Variants in RAP1A observed in about 807,000 individuals in gnomAD.
RAP1A encodes ras-related protein Rap-1A.
RAP1A carries 6 observed loss-of-function variants against 26.4 expected under a neutral mutation model. The ratio of observed to expected loss-of-function variants is 0.23; its 90% CI spans 0.12 to 0.45. The LOEUF is 0.45. RAP1A is among the 20% of genes least tolerant of loss of function. RAP1A has a pLI of 0.99. For synonymous variants in RAP1A, 73 were observed against 79.4 expected, an observed-to-expected ratio of 0.92 and a Z score of 0.43; for missense variants, 121 against 217.2, an observed-to-expected ratio of 0.56 and a Z score of 2.78.
chr1:111,576,876 G>A (rs567957681), intron 1 of RAP1A, among the ~76,000 whole-genome samples: 2 of 152,072 alleles, frequency 1.3e-5, no homozygotes, highest in Non-Finnish European at 2.9e-5. Flanking sequence ...CTCAACCTTG[G>A]GTTACCTAAG....
chr1:111,590,343 T>G (rs1203161469), intron 1 of RAP1A, among the ~76,000 whole-genome samples: 4 of 152,222 alleles, frequency 2.6e-5, no homozygotes, highest in Non-Finnish European at 5.9e-5. Context: ...CTTGTCTTAT[T>G]CTTGACTTAA....
chr1:111,676,875 C>T (rs1407385176), intron 1 of RAP1A, among the ~76,000 whole-genome samples: 8 of 151,694 alleles, frequency 5.3e-5, no homozygotes, highest in Admixed American at 3.9e-4. Context: ...CTCACTGTAC[C>T]CTCCGCTTCC....
chr1:111,542,454 G>A (rs1370053295), exon 1 of RAP1A: 4 of 208,844 alleles, frequency 1.9e-5, no homozygotes, highest in Admixed American at 5.4e-5. Context: ...AGAGCAAGTC[G>A]AGGGCCGTGT....
intron 6 of RAP1A, chr1:111,706,745 T>C: frequency 1.0e-6 from 1 of 984,350 alleles, no homozygotes; most frequent in Non-Finnish European, 1.2e-6. Context: ...AGTTCGAACT[T>C]GCCCTCATCA....
At chr1:111,622,878 A>G (rs2101091816) in intron 1 of RAP1A, among the ~76,000 whole-genome samples, 1 of 152,248 alleles carries the variant, frequency 6.6e-6, no homozygotes, top group African/African-American at 2.4e-5. Flanking sequence ...GTAATAGTTA[A>G]GTTACTCCAG....
At chr1:111,684,841 A>C (rs185122848) in intron 1 of RAP1A, among the ~76,000 whole-genome samples, 102 of 152,316 alleles carry the variant, frequency 6.7e-4, no homozygotes, top group African/African-American at 2.3e-3. Context: ...GCTAAGCAAA[A>C]AGAACAAAGC....
chr1:111,588,482 A>T (rs1658420064), intron 1 of RAP1A, among the ~76,000 whole-genome samples: 1 of 152,202 alleles, frequency 6.6e-6, no homozygotes, highest in Admixed American at 6.5e-5. Flanking sequence ...GAATTAAAAC[A>T]TGGAACACAC....
intron 1 of RAP1A, among the ~76,000 whole-genome samples, chr1:111,666,429 C>G (rs762567612): frequency 2.6e-5 from 4 of 152,106 alleles, no homozygotes; most frequent in African/African-American, 4.8e-5. Flanking sequence ...CTGAAACAAT[C>G]TGTCTTAGAC....
At chr1:111,679,770 A>G (rs935587656) in intron 1 of RAP1A, among the ~76,000 whole-genome samples, 5 of 152,176 alleles carry the variant, frequency 3.3e-5, no homozygotes, top group African/African-American at 1.2e-4. Flanking sequence ...TCCCCTCACA[A>G]TGTAAACAAA....
At chr1:111,675,409 T>G (rs1017794688) in intron 1 of RAP1A, among the ~76,000 whole-genome samples, 1 of 151,904 alleles carries the variant, frequency 6.6e-6, no homozygotes, top group Non-Finnish European at 1.5e-5. Flanking sequence ...GAGGCGGAGT[T>G]TGCAGTGAGC....
At chr1:111,708,151 G>A (rs1349055659) in intron 6 of RAP1A, among the ~76,000 whole-genome samples, 3 of 152,184 alleles carry the variant, frequency 2.0e-5, no homozygotes, top group African/African-American at 7.2e-5. Context: ...TCCAGCCTGC[G>A]TGACAGAGCA....
chr1:111,635,814 C>A (rs963127030), intron 1 of RAP1A, among the ~76,000 whole-genome samples: 2 of 149,202 alleles, frequency 1.3e-5, no homozygotes, highest in African/African-American at 2.6e-5. Flanking sequence ...CTCAGGTGAT[C>A]CCCCCACCTC....
chr1:111,648,207 T>TGTGTGTA (rs1557877258), intron 1 of RAP1A: 14 of 91,258 alleles, frequency 1.5e-4, no homozygotes, highest in African/African-American at 1.3e-3. Context: ...GTGTGTGTAT[T>TGTGTGTA]TTTTTTTTTT....
chr1:111,573,713 C>A (rs182114527), intron 1 of RAP1A, among the ~76,000 whole-genome samples: 2 of 152,198 alleles, frequency 1.3e-5, no homozygotes, highest in East Asian at 3.9e-4. Context: ...CTCTAATGAT[C>A]AGTGATATTT....
At chr1:111,658,652 A>G (rs1660539650) in intron 1 of RAP1A, among the ~76,000 whole-genome samples, 1 of 152,240 alleles carries the variant, frequency 6.6e-6, no homozygotes, top group Non-Finnish European at 1.5e-5. Flanking sequence ...TTTCAGCTCC[A>G]TTGTAATCCT....
At chr1:111,552,476 C>T (rs1345319668) in intron 1 of RAP1A, among the ~76,000 whole-genome samples, 1 of 152,142 alleles carries the variant, frequency 6.6e-6, no homozygotes, top group Non-Finnish European at 1.5e-5. Context: ...TCATTTTTGG[C>T]AAATTTGTAG....
chr1:111,624,617 G>T (rs192295118), intron 1 of RAP1A, among the ~76,000 whole-genome samples: 80 of 152,190 alleles, frequency 5.3e-4, no homozygotes, highest in Non-Finnish European at 1.0e-3. Context: ...AGAGAACCAT[G>T]CCATGCTGTC....
At chr1:111,620,754 G>A (rs911815314) in intron 1 of RAP1A, among the ~76,000 whole-genome samples, 4 of 152,176 alleles carry the variant, frequency 2.6e-5, no homozygotes, top group African/African-American at 9.7e-5. Context: ...GTCACGGTGT[G>A]ATTCTTGTTA....
At chr1:111,565,770 C>T (rs1049690800) in intron 1 of RAP1A, among the ~76,000 whole-genome samples, 1 of 152,084 alleles carries the variant, frequency 6.6e-6, no homozygotes, top group Non-Finnish European at 1.5e-5. Context: ...TGCTCATGTA[C>T]TTTTTACTTC....
Sources: gnomAD v4.1 joint callset for allele counts (sites outside exome capture counted in the v4.1 genomes callset) on GRCh38, gnomAD v4.1.1 for gene constraint, MANE v1.5 for transcripts, NCBI Gene and HGNC (gene_info 2026-07-23, HGNC 2026-07-21) for gene names.